Variants in PKP1 observed in about 807,000 individuals in gnomAD.
PKP1 encodes plakophilin 1, also known as plakophilin-1.
Under a neutral mutation model 76.4 loss-of-function variants are expected in PKP1, and 27 were observed. That is an observed-to-expected ratio of 0.35 (90% CI 0.26 to 0.49). PKP1 has a LOEUF of 0.49. PKP1 is among the 20% of genes least tolerant of loss of function. PKP1 has a pLI of 0.99. For synonymous variants in PKP1, 404 were observed against 384.2 expected (o/e 1.05, Z -0.60); for missense variants, 964 against 955.2 (o/e 1.01, Z -0.12).
In PKP1 at chr1:201,293,977, T is replaced by A. The variant is rs1656002528; in HGVS notation, c.238T>A (p.Tyr80Asn). Residue 80 changes from tyrosine to asparagine, a missense_variant, in exon 2 of 14, where the codon TAT becomes AAT. Tyr to Asn is a moderately radical substitution (Grantham distance 143). Transcript: ENST00000367324. ...MYDGLADNYN[Y>N]GTTSRSSYYS... ...TGATGGCTTGGCTGACAATTACAAC[T>A]ATGGGACCACCAGCAGGAGCAGCTA... 2.5e-6 allele frequency: 4 copies of A among 1,613,858 alleles called. No homozygotes were observed. The highest frequency in any genetic ancestry group is 3.4e-6 in the Non-Finnish European group (4 of 1,179,870).
chr1:201,286,986 C>T (rs1005137437), intron 1 of PKP1, among the ~76,000 whole-genome samples: 4 of 152,206 alleles, frequency 2.6e-5, no homozygotes, highest in Non-Finnish European at 5.9e-5. Context: ...ACTGTGAATA[C>T]AGATCACACC....
At chr1:201,287,516 T>C (rs574109346) in intron 1 of PKP1, among the ~76,000 whole-genome samples, 19 of 152,362 alleles carry the variant, frequency 1.2e-4, no homozygotes, top group African/African-American at 3.8e-4. Flanking sequence ...AGATTGCAGA[T>C]GGTAATGGCT....
chr1:201,313,453 G>A lies in PKP1; in HGVS notation c.594G>A (p.Lys198=). The change falls in exon 3 of 14, where the codon AAG becomes AAA. Residue 198 remains lysine (K), a synonymous_variant. Coordinates refer to ENST00000367324, the MANE Select transcript of PKP1 (RefSeq NM_001005337.3). ...STCSGQKAIK[K]CPVRPPSCAS... is the part of the protein sequence containing the mutation. ...GCAGTGGTCAGAAGGCCATAAAGAA[G>A]TGCCCTGTGCGCCCGCCCTCTTGTG... 6.2e-7 allele frequency: 1 copy of A among 1,609,102 alleles called. No homozygotes were observed. The highest frequency in any genetic ancestry group is 8.5e-7 in the Non-Finnish European group (1 of 1,178,012).
chr1:201,296,449 G>A (rs1036355920), intron 2 of PKP1, among the ~76,000 whole-genome samples: 1 of 152,180 alleles, frequency 6.6e-6, no homozygotes, highest in African/African-American at 2.4e-5. Context: ...AGGCAGGGAG[G>A]GTGGGGAGGA....
chr1:201,297,394 AG>A (rs1656106849), intron 2 of PKP1, among the ~76,000 whole-genome samples: 2 of 152,144 alleles, frequency 1.3e-5, no homozygotes, highest in African/African-American at 4.8e-5. Context: ...ATGGAGCAAA[AG>A]ATGGGGCAGG....
chr1:201,292,714 G>A (rs1655953726), intron 1 of PKP1, among the ~76,000 whole-genome samples: 1 of 152,186 alleles, frequency 6.6e-6, no homozygotes, highest in Non-Finnish European at 1.5e-5. Flanking sequence ...CACAGACAGG[G>A]TTTCCGATGG....
At chr1:201,311,722 G>C (rs746106177) in intron 2 of PKP1, among the ~76,000 whole-genome samples, 7 of 152,210 alleles carry the variant, frequency 4.6e-5, no homozygotes, top group African/African-American at 1.7e-4. Context: ...AGGGGTGGGC[G>C]GGCAGGCCCT....
intron 1 of PKP1, among the ~76,000 whole-genome samples, chr1:201,291,823 G>T (rs750833897): frequency 6.6e-5 from 10 of 152,214 alleles, no homozygotes; most frequent in Non-Finnish European, 1.2e-4. Flanking sequence ...CTGGTGGTTG[G>T]CCACCTAGGG....
Position 201,283,768 on chromosome 1 carries a change from G to T in PKP1, c.66G>T (p.Thr22=), listed in dbSNP as rs528746460. ...YECFQDQDNS[T]LALPSDQKMK... ...GCTTCCAGGACCAGGACAACTCCAC[G>T]TTGGCTTTGCCGTCGGACCAAAAGA... Residue 22 remains threonine (T), a synonymous_variant, in exon 1 of 14, where the codon ACG becomes ACT. Coordinates refer to ENST00000367324, the MANE Select transcript of PKP1 (RefSeq NM_001005337.3). 1.9e-6 allele frequency: 3 copies of T among 1,614,168 alleles called. No homozygotes were observed. In the South Asian group the frequency reaches 3.3e-5, roughly 18 times the overall value.
In PKP1 at chr1:201,331,173, TC is replaced by T. The variant is rs1176155769; in HGVS notation, c.*1135del. 1 of 151,822 alleles carries T rather than the reference TC, an allele frequency of 6.6e-6. No individual in the cohort carries two copies. The highest frequency in any genetic ancestry group is 1.5e-5 in the Non-Finnish European group (1 of 67,984). The allele number at this position is 151,822 out of a possible 1,614,324, so 9.4% of individuals were successfully genotyped here. On this transcript the variant is annotated 3_prime_UTR_variant, in exon 14 of 14. Transcript: ENST00000367324. Reference sequence around the variant, plus strand: ...GAGTCAATTGAGGGAGTGTTTGGGGTCCCAGGAGACTTGGACGGGGGGAGTT... The same window carrying T: ...GAGTCAATTGAGGGAGTGTTTGGGGTCCAGGAGACTTGGACGGGGGGAGTT...
chr1:201,321,934 G>A lies in PKP1; in HGVS notation c.1348-44G>A, dbSNP rs549425845. On this transcript the variant is annotated intron_variant, in intron 7 of 13. Coordinates refer to ENST00000367324, the MANE Select transcript of PKP1 (RefSeq NM_001005337.3). ...GTAGGTGGTAGGCCAGGAGCCTGTC[G>A]GGCCGGGCAGAGGCTCAGGCCCATG... 75 of 1,611,410 alleles carry A rather than the reference G, an allele frequency of 4.7e-5. No individual in the cohort carries two copies. The South Asian group carries it at 6.7e-4, about 14-fold the overall frequency.
At chr1:201,307,811 A>G (rs1421713305) in intron 2 of PKP1, among the ~76,000 whole-genome samples, 1 of 152,134 alleles carries the variant, frequency 6.6e-6, no homozygotes, top group Non-Finnish European at 1.5e-5. Flanking sequence ...GCAAGCCCTC[A>G]CCAGGCCTGA....
At chr1:201,327,012 G>A (rs969674764) in intron 12 of PKP1, among the ~76,000 whole-genome samples, 2 of 152,188 alleles carry the variant, frequency 1.3e-5, no homozygotes, top group African/African-American at 2.4e-5. Context: ...CCCTGGATCC[G>A]GTGCTTCGGA....
At chr1:201,325,224 G>T (rs565878458) in intron 11 of PKP1, 97 bp downstream of exon 11, 2 of 1,298,966 alleles carry the variant, frequency 1.5e-6, no homozygotes, top group African/African-American at 1.5e-5. Context: ...ATGGAGTAGG[G>T]GAAGCACCAA....
At chr1:201,288,492 G>C (rs1362818113) in intron 1 of PKP1, among the ~76,000 whole-genome samples, 2 of 152,140 alleles carry the variant, frequency 1.3e-5, no homozygotes, top group Non-Finnish European at 1.5e-5. Context: ...GATGGCACGG[G>C]CATCAGGACT....
At chr1:201,329,509 C>T (rs551346007) in intron 13 of PKP1, among the ~76,000 whole-genome samples, 4 of 152,310 alleles carry the variant, frequency 2.6e-5, no homozygotes, top group Middle Eastern at 3.4e-3. Context: ...GTTTCTGATG[C>T]GGGTAAACTG....
rs1366789268 is a variant in PKP1, at chr1:201,313,344, A to G, written c.485A>G (p.Asp162Gly). ...ASRSEPDLYC[D>G]PRGTLRKGTL... ...CGCAGTGAGCCCGACCTCTACTGTGACCCACGGGGCACCCTGCGCAAGGGC... is the reference window on the plus strand; with the variant it reads ...CGCAGTGAGCCCGACCTCTACTGTGGCCCACGGGGCACCCTGCGCAAGGGC... The change falls in exon 3 of 14, where the codon GAC (aspartate) becomes GGC (glycine). Residue 162 changes from aspartate (D) to glycine (G), a missense_variant. Asp to Gly is a moderately conservative substitution (Grantham distance 94, BLOSUM62 -1). Transcript: ENST00000367324. The G allele has an allele frequency of 6.3e-7, 1 of 1,587,954 alleles. No homozygotes were observed. Among genetic ancestry groups the G allele is most frequent in the East Asian group, 2.3e-5 (1 of 43,832 alleles).
intron 2 of PKP1, among the ~76,000 whole-genome samples, chr1:201,299,579 C>A (rs1656166661): frequency 6.6e-6 from 1 of 152,186 alleles, no homozygotes; most frequent in Non-Finnish European, 1.5e-5. Flanking sequence ...TGTGCTGGTC[C>A]CTCCAGGGTC....
At position 201,302,824 on chromosome 1, in the gene PKP1, G is replaced by A. The variant is rs534067561; in HGVS notation, c.306+8779G>A. On this transcript the variant is annotated intron_variant, in intron 2 of 13. Coordinates refer to ENST00000367324, the MANE Select transcript of PKP1 (RefSeq NM_001005337.3). ...ATGAAGACAGGCTGGGAAGGAGGCC[G>A]CTTGTGACTTCAGCAAGGGGTGAAT... 1.9e-3 allele frequency among the ~76,000 whole-genome samples: 293 copies of A among 151,558 alleles called. 1 individual carries two copies. Among genetic ancestry groups the A allele is most frequent in the Middle Eastern group, 3.4e-3 (1 of 294 alleles).
Sources: gnomAD v4.1 joint callset for allele counts (sites outside exome capture counted in the v4.1 genomes callset) on GRCh38, gnomAD v4.1.1 for gene constraint, MANE v1.5 for transcripts, NCBI Gene and HGNC (gene_info 2026-07-23, HGNC 2026-07-21) for gene names.